Variants in KAT2B observed in about 807,000 individuals in gnomAD.
The protein encoded by KAT2B is lysine acetyltransferase 2B.
In KAT2B, 36 loss-of-function variants were observed where a neutral mutation model predicts 105.9. The observed-to-expected ratio is 0.34, with a 90% CI of 0.26 to 0.45. The LOEUF is 0.45. Ranked by LOEUF, KAT2B falls within the 20% of genes least tolerant of loss-of-function variation. The pLI is 1.00. For synonymous variants in KAT2B, 397 were observed against 377.9 expected (o/e 1.05, Z -0.59); for missense variants, 820 against 1,021.6 (o/e 0.80, Z 2.69).
intron 1 of KAT2B, among the ~76,000 whole-genome samples, chr3:20,046,046 T>C (rs923922344): frequency 1.3e-5 from 2 of 152,236 alleles, no homozygotes; most frequent in African/African-American, 2.4e-5. Context: ...AATGACTGCA[T>C]GTATAAAGTG....
intron 3 of KAT2B, among the ~76,000 whole-genome samples, chr3:20,096,171 G>T (rs746671186): frequency 1.8e-4 from 27 of 152,130 alleles, no homozygotes; most frequent in Admixed American, 3.3e-4. Flanking sequence ...AATGCTTTAA[G>T]AGGAGAAATC....
rs897253373 is a variant in KAT2B at position 20,111,633 on chromosome 3, A to T, written c.889A>T (p.Ser297Cys). ...CYCNVPQFCDSLPRYETTQVF... is the reference protein window; with the variant it reads ...CYCNVPQFCDCLPRYETTQVF... ...CTGCAACGTGCCACAGTTCTGCGAC[A>T]GTCTACCTCGGTACGAAACCACACA... Residue 297 changes from serine (S) to cysteine (C), a missense_variant, in exon 6 of 18, where the codon AGT becomes TGT. Coordinates refer to ENST00000263754, the MANE Select transcript of KAT2B (RefSeq NM_003884.5). 1.2e-6 allele frequency: 2 copies of T among 1,613,498 alleles called. No individual in the cohort carries two copies. Among genetic ancestry groups the T allele is most frequent in the Non-Finnish European group, 1.7e-6 (2 of 1,179,792 alleles).
At chr3:20,112,567 A>C (rs12488369) in intron 6 of KAT2B, among the ~76,000 whole-genome samples, 25,621 of 152,202 alleles carry the variant, frequency 0.17, 2,373 homozygotes, top group Middle Eastern at 0.23. Flanking sequence ...ATGACTTCTC[A>C]TGGAGCAGTA....
intron 4 of KAT2B, 87 bp downstream of exon 4, chr3:20,100,041 C>T (rs1343364727): frequency 1.4e-6 from 1 of 717,788 alleles, no homozygotes; most frequent in Non-Finnish European, 2.5e-6. Flanking sequence ...TCTACGGCTT[C>T]CCTCCTCCAT....
intron 1 of KAT2B, among the ~76,000 whole-genome samples, chr3:20,068,064 T>G (rs1698254675): frequency 6.6e-6 from 1 of 151,620 alleles, no homozygotes; most frequent in Non-Finnish European, 1.5e-5. Context: ...TGGCGCAATC[T>G]TGGCTCACTG....
chr3:20,133,783 G>T (rs1470193969), intron 11 of KAT2B, among the ~76,000 whole-genome samples: 1 of 152,122 alleles, frequency 6.6e-6, no homozygotes, highest in Non-Finnish European at 1.5e-5. Context: ...CCCTACCATT[G>T]CTGGCACTGG....
chr3:20,133,593 C>A (rs759265729), intron 11 of KAT2B, among the ~76,000 whole-genome samples: 3 of 152,062 alleles, frequency 2.0e-5, no homozygotes, highest in African/African-American at 7.2e-5. Flanking sequence ...TTGCTTATTT[C>A]TGGTAATTTT....
At chr3:20,132,505 A>G (rs971616691) in intron 11 of KAT2B, among the ~76,000 whole-genome samples, 51 of 152,238 alleles carry the variant, frequency 3.4e-4, no homozygotes, top group African/African-American at 1.2e-3. Context: ...TTTTGATGGC[A>G]GGTAAAAATA....
intron 1 of KAT2B, among the ~76,000 whole-genome samples, chr3:20,063,643 A>G (rs1698176983): frequency 6.8e-6 from 1 of 147,438 alleles, no homozygotes; most frequent in African/African-American, 2.5e-5. Context: ...CCCAGGTTCA[A>G]GCAATTCTCC....
chr3:20,052,367 G>A (rs1340778394), intron 1 of KAT2B, among the ~76,000 whole-genome samples: 1 of 152,142 alleles, frequency 6.6e-6, no homozygotes, highest in Non-Finnish European at 1.5e-5. Context: ...AGCCCATAAG[G>A]CCTCAGCCCA....
chr3:20,096,766 T>G (rs1375139505), intron 3 of KAT2B, among the ~76,000 whole-genome samples: 1 of 152,184 alleles, frequency 6.6e-6, no homozygotes, highest in African/African-American at 2.4e-5. Flanking sequence ...CTCTTTTCTT[T>G]TCTTTGTCTG....
At chr3:20,136,080 A>C (rs1473769525) in intron 11 of KAT2B, among the ~76,000 whole-genome samples, 1 of 152,152 alleles carries the variant, frequency 6.6e-6, no homozygotes, top group African/African-American at 2.4e-5. Flanking sequence ...GATCCTTCTG[A>C]CCTTGAGGTA....
intron 10 of KAT2B, 58 bp downstream of exon 10, chr3:20,126,171 G>T (rs1699400403): frequency 4.2e-6 from 6 of 1,412,100 alleles, no homozygotes; most frequent in Non-Finnish European, 5.9e-6. Flanking sequence ...AAGAGGAACT[G>T]CTTAGATAGT....
At chr3:20,076,221 A>G (rs576713393) in intron 2 of KAT2B, among the ~76,000 whole-genome samples, 6 of 152,292 alleles carry the variant, frequency 3.9e-5, no homozygotes, top group Middle Eastern at 3.4e-3. Context: ...TTCATACTAT[A>G]CCACAAACAT....
At chr3:20,091,884 A>G (rs1698724801) in intron 2 of KAT2B, among the ~76,000 whole-genome samples, 1 of 152,158 alleles carries the variant, frequency 6.6e-6, no homozygotes, top group Non-Finnish European at 1.5e-5. Flanking sequence ...CAAAAATGCT[A>G]TTATTTTTGC....
intron 2 of KAT2B, among the ~76,000 whole-genome samples, chr3:20,082,126 C>T (rs865862653): frequency 6.6e-6 from 1 of 152,062 alleles, no homozygotes; most frequent in Admixed American, 6.6e-5. Context: ...CCTCCACCTC[C>T]TGGGTTCAAA....
chr3:20,126,206 G>A (rs1699401296), intron 10 of KAT2B, 93 bp downstream of exon 10: 3 of 988,784 alleles, frequency 3.0e-6, no homozygotes, highest in African/African-American at 3.2e-5. Context: ...GTCATCCACC[G>A]AATACTACTG....
At chr3:20,140,560 A>G (rs1412457771) in intron 13 of KAT2B, among the ~76,000 whole-genome samples, 196 bp downstream of exon 13, 2 of 152,124 alleles carry the variant, frequency 1.3e-5, no homozygotes, top group Non-Finnish European at 2.9e-5. Flanking sequence ...CAGTGGCACT[A>G]TCTCACTGTA....
rs113831913 is a variant in KAT2B, at chr3:20,095,712, C to T, written c.576+304C>T. ...ACATCTGTTCTGCATGTGGCACTAA[C>T]GTAGGCATGAGGGATAGAACAGTGG... On this transcript the variant is annotated intron_variant, in intron 3 of 17. Transcript: ENST00000263754. Among the ~76,000 whole-genome samples the T allele has an allele frequency of 3.3e-4, 50 of 152,278 alleles. 1 individual carries two copies. Among genetic ancestry groups the T allele is most frequent in the African/African-American group, 1.0e-3 (43 of 41,556 alleles).
Sources: allele counts gnomAD v4.1 joint callset (sites outside exome capture counted in the v4.1 genomes callset), GRCh38; gene constraint gnomAD v4.1.1; transcripts MANE v1.5; gene names NCBI Gene and HGNC (gene_info 2026-07-23, HGNC 2026-07-21).